Variants in MIPOL1 observed in about 807,000 individuals in gnomAD.
MIPOL1 encodes the protein mirror-image polydactyly 1, also known as mirror-image polydactyly gene 1 protein.
A neutral mutation model predicts 60.9 loss-of-function variants in MIPOL1; 57 were observed. The observed-to-expected ratio is 0.94, with a 90% CI of 0.76 to 1.17. The LOEUF (loss-of-function observed/expected upper bound fraction) is 1.17. Among genes scored for constraint, MIPOL1 ranks in the 50% most tolerant of loss-of-function variants. MIPOL1 has a pLI of 0.00. For missense variants in MIPOL1, 551 were observed against 511.6 expected, an observed-to-expected ratio of 1.08 and a Z score of -0.74; for synonymous variants, 179 against 168.8, an observed-to-expected ratio of 1.06 and a Z score of -0.47.
At chr14:37,248,395 G>T (rs1365305464) in intron 3 of MIPOL1, among the ~76,000 whole-genome samples, 1 of 151,920 alleles carries the variant, frequency 6.6e-6, no homozygotes. Flanking sequence ...CATACACAGA[G>T]ACTCATAGAG....
chr14:37,379,753 A>C (rs2092876459), intron 10 of MIPOL1, among the ~76,000 whole-genome samples: 1 of 152,116 alleles, frequency 6.6e-6, no homozygotes, highest in Non-Finnish European at 1.5e-5. Context: ...AAAGTTTAAA[A>C]GTAGAAAAAT....
intron 12 of MIPOL1, among the ~76,000 whole-genome samples, chr14:37,500,844 A>G (rs1233881671): frequency 6.6e-6 from 1 of 152,210 alleles, no homozygotes; most frequent in Non-Finnish European, 1.5e-5. Context: ...CATAGAACAC[A>G]TGTAATAGAA....
At chr14:37,352,874 T>C (rs1287336963) in intron 9 of MIPOL1, among the ~76,000 whole-genome samples, 2 of 127,134 alleles carry the variant, frequency 1.6e-5, no homozygotes, top group Non-Finnish European at 3.3e-5. Flanking sequence ...GACTTCCTCT[T>C]TTCCTAATTG....
At chr14:37,409,394 GA>G (rs922052655) in intron 10 of MIPOL1, among the ~76,000 whole-genome samples, 216 of 146,494 alleles carry the variant, frequency 1.5e-3, no homozygotes, top group African/African-American at 4.8e-3. Context: ...GGCAAATCTG[GA>G]AAAAAAAAAG....
intron 1 of MIPOL1, among the ~76,000 whole-genome samples, chr14:37,225,151 C>T (rs748510214): frequency 2.6e-5 from 4 of 152,200 alleles, no homozygotes; most frequent in Admixed American, 6.5e-5. Flanking sequence ...GCTGCTTTCA[C>T]AGGCTGGCAT....
intron 10 of MIPOL1, among the ~76,000 whole-genome samples, chr14:37,392,258 G>A (rs10872901): frequency 0.99 from 150,464 of 152,268 alleles, 74,365 homozygotes; most frequent in Middle Eastern, 1. Flanking sequence ...TAAACATTCT[G>A]TAGTTTTGAA....
chr14:37,518,564 G>T (rs1264274435), intron 12 of MIPOL1, among the ~76,000 whole-genome samples: 1 of 152,042 alleles, frequency 6.6e-6, no homozygotes, highest in Non-Finnish European at 1.5e-5. Flanking sequence ...TGAACTCCTG[G>T]CTTCAAGTGT....
At chr14:37,305,617 G>T (rs2086717990) in intron 7 of MIPOL1, among the ~76,000 whole-genome samples, 1 of 151,558 alleles carries the variant, frequency 6.6e-6, no homozygotes, top group Non-Finnish European at 1.5e-5. Context: ...TAATATCTGT[G>T]ATATCCGTGA....
At chr14:37,203,465 A>G (rs1965620358) in intron 1 of MIPOL1, among the ~76,000 whole-genome samples, 1 of 152,156 alleles carries the variant, frequency 6.6e-6, no homozygotes, top group Admixed American at 6.5e-5. Context: ...TGCTTTTTCC[A>G]TTATACTACC....
chr14:37,443,749 C>CA (rs752472741), intron 11 of MIPOL1, among the ~76,000 whole-genome samples: 12,326 of 70,422 alleles, frequency 0.18, 1,740 homozygotes, highest in African/African-American at 0.42. Flanking sequence ...ATGATAGGCT[C>CA]AAAAAAAAAA....
chr14:37,365,309 GT>G (rs1233201592), intron 9 of MIPOL1, among the ~76,000 whole-genome samples: 1 of 152,106 alleles, frequency 6.6e-6, no homozygotes, highest in Non-Finnish European at 1.5e-5. Flanking sequence ...AAGGCTTTCA[GT>G]TTTTCCCCAT....
At chr14:37,521,912 T>A (rs867724739) in intron 12 of MIPOL1, among the ~76,000 whole-genome samples, 225 of 20,680 alleles carry the variant, frequency 0.011, no homozygotes, top group Middle Eastern at 0.02. Context: ...ATATATATAT[T>A]TTTTTTTTCT....
chr14:37,297,135 G>A (rs1021521594), intron 7 of MIPOL1, among the ~76,000 whole-genome samples: 4 of 152,214 alleles, frequency 2.6e-5, no homozygotes, highest in Non-Finnish European at 4.4e-5. Flanking sequence ...TCCCTGGGAT[G>A]CAAGGCTGGT....
intron 11 of MIPOL1, among the ~76,000 whole-genome samples, chr14:37,454,669 A>G (rs1299896794): frequency 6.6e-6 from 1 of 152,220 alleles, no homozygotes; most frequent in African/African-American, 2.4e-5. Context: ...GAATGAAAAT[A>G]TATAAAGTGC....
At chr14:37,395,242 G>A (rs1263219409) in intron 10 of MIPOL1, among the ~76,000 whole-genome samples, 1 of 152,022 alleles carries the variant, frequency 6.6e-6, no homozygotes, top group Non-Finnish European at 1.5e-5. Flanking sequence ...CTCTTTTTTG[G>A]TTCCATGTGA....
intron 10 of MIPOL1, among the ~76,000 whole-genome samples, chr14:37,403,811 C>T (rs2093536998): frequency 6.6e-6 from 1 of 152,114 alleles, no homozygotes; most frequent in African/African-American, 2.4e-5. Flanking sequence ...GAACAAGCTG[C>T]TTGTGATGAC....
intron 10 of MIPOL1, among the ~76,000 whole-genome samples, chr14:37,377,182 C>A (rs970161775): frequency 6.6e-6 from 1 of 152,164 alleles, no homozygotes; most frequent in Non-Finnish European, 1.5e-5. Context: ...CAGTCATACT[C>A]TCCTTTGCAT....
At chr14:37,523,583 T>C in intron 12 of MIPOL1, 2 of 403,122 alleles carry the variant, frequency 5.0e-6, no homozygotes, top group East Asian at 7.2e-5. Flanking sequence ...ATGATTTAAA[T>C]ATTTTTCTGT....
At chr14:37,463,150 G>A (rs2094559180) in intron 11 of MIPOL1, among the ~76,000 whole-genome samples, 2 of 152,180 alleles carry the variant, frequency 1.3e-5, no homozygotes, top group Non-Finnish European at 2.9e-5. Context: ...AGAAGGCAAG[G>A]AGGAGCAAGT....
Sources: gnomAD v4.1 joint callset for allele counts (sites outside exome capture counted in the v4.1 genomes callset) on GRCh38, gnomAD v4.1.1 for gene constraint, MANE v1.5 for transcripts, NCBI Gene and HGNC (gene_info 2026-07-23, HGNC 2026-07-21) for gene names.